Variants in TSC2 observed in about 807,000 individuals in gnomAD.
The protein encoded by TSC2 is TSC complex subunit 2.
TSC2 carries 29 observed loss-of-function variants against 202.2 expected under a neutral mutation model. The observed-to-expected ratio is 0.14, with a 90% CI of 0.11 to 0.20. The LOEUF (loss-of-function observed/expected upper bound fraction) is 0.20. Ranked by LOEUF, TSC2 falls within the 10% of genes least tolerant of loss-of-function variation. The probability of loss-of-function intolerance (pLI) is 1.00; values close to 1 mark genes in which losing one functional copy is unlikely to be tolerated. For missense variants in TSC2, 2,429 were observed against 2,420.0 expected, an observed-to-expected ratio of 1.00 and a Z score of -0.08; for synonymous variants, 1,349 against 1,044.0, an observed-to-expected ratio of 1.29 and a Z score of -5.63.
chr16:2,061,344 G>C, intron 11 of TSC2: 1 of 283,740 alleles, frequency 3.5e-6, no homozygotes. Context: ...AAGGGAGGCC[G>C]GGACTTCGCC....
chr16:2,065,304 TG>T (rs1471225019), intron 15 of TSC2: 1 of 552,994 alleles, frequency 1.8e-6, no homozygotes, highest in Non-Finnish European at 3.3e-6. Flanking sequence ...TCCTAGCTAC[TG>T]GGGAGGCTGA....
intron 9 of TSC2, 100 bp from the exon 10 acceptor site, chr16:2,058,647 C>G: frequency 6.6e-7 from 1 of 1,523,742 alleles, no homozygotes; most frequent in Non-Finnish European, 8.8e-7. Context: ...GCACAGGGAC[C>G]TCTGGGGCTG....
At chr16:2,077,390 C>G (rs150536984) in intron 25 of TSC2, 2 of 678,546 alleles carry the variant, frequency 2.9e-6, no homozygotes, top group African/African-American at 3.6e-5. Flanking sequence ...GTCATGTTTA[C>G]CAGACGTATT....
chr16:2,054,744 G>A, intron 5 of TSC2: 1 of 488,312 alleles, frequency 2.0e-6, no homozygotes, highest in Non-Finnish European at 3.8e-6. Flanking sequence ...AGGTGGTGCT[G>A]CTGACTTGGT....
At chr16:2,053,279 A>G (rs775078883) in intron 3 of TSC2, 63 bp from the exon 4 acceptor site, 1 of 1,503,744 alleles carries the variant, frequency 6.7e-7, no homozygotes, top group Non-Finnish European at 9.0e-7. Context: ...GCACTGCTCC[A>G]GTTGCCGGGG....
At chr16:2,062,294 A>G (rs992858011) in intron 12 of TSC2, among the ~76,000 whole-genome samples, 23 of 152,140 alleles carry the variant, frequency 1.5e-4, no homozygotes, top group African/African-American at 5.1e-4. Context: ...TGCCAGGAAC[A>G]CTCAGCTTAG....
Position 2,055,522 on chromosome 16 carries a change from A to G in TSC2, c.599+3A>G, listed in dbSNP as rs397514899. 9 of 1,612,736 alleles carry G rather than the reference A, an allele frequency of 5.6e-6. No homozygotes were observed. Among genetic ancestry groups the G allele is most frequent in the Non-Finnish European group, 7.6e-6 (9 of 1,178,700 alleles). On this transcript the variant is annotated splice_donor_region_variant and intron_variant, in intron 6 of 41. Coordinates refer to ENST00000219476, the MANE Select transcript of TSC2 (RefSeq NM_000548.5). ...GAGTACATCGCAAGGATGGTTCAGTAAGAAAAGAATTGAGATCCTGTTCTG... is the reference window on the plus strand; with the variant it reads ...GAGTACATCGCAAGGATGGTTCAGTGAGAAAAGAATTGAGATCCTGTTCTG...
chr16:2,076,918 C>G (rs1040488220), intron 25 of TSC2, among the ~76,000 whole-genome samples: 1 of 152,086 alleles, frequency 6.6e-6, no homozygotes, highest in Admixed American at 6.5e-5. Context: ...TGCTGCTAGC[C>G]GGGGACTCTG....
chr16:2,069,475 A>G (rs1391564288), intron 16 of TSC2, among the ~76,000 whole-genome samples: 9 of 144,696 alleles, frequency 6.2e-5, no homozygotes, highest in Non-Finnish European at 1.3e-4. Context: ...GCACCACCAC[A>G]CCTGGCTAAT....
intron 16 of TSC2, 91 bp from the exon 17 acceptor site, chr16:2,070,365 C>G (rs988505091): frequency 1.2e-6 from 2 of 1,605,208 alleles, no homozygotes; most frequent in Admixed American, 1.7e-5. Context: ...TCTAGAGCAG[C>G]CGCCCCGGCC....
chr16:2,056,046 G>A, intron 6 of TSC2, 150 bp from the exon 7 acceptor site: 1 of 893,496 alleles, frequency 1.1e-6, no homozygotes, highest in South Asian at 1.4e-5. Flanking sequence ...CTGGCGCACA[G>A]CAGGCACCTG....
intron 31 of TSC2, chr16:2,082,101 C>G: frequency 1.7e-6 from 1 of 589,948 alleles, no homozygotes; most frequent in African/African-American, 1.9e-5. Context: ...CAGCCTCCCT[C>G]CCTGCCTGGG....
At chr16:2,088,196 T>C (rs767156253) in intron 40 of TSC2, 31 bp from the exon 41 acceptor site, 7 of 1,612,792 alleles carry the variant, frequency 4.3e-6, no homozygotes, top group African/African-American at 2.7e-5. Flanking sequence ...TGCCACCTGA[T>C]AGTGAGCTCA....
At chr16:2,071,439 G>A in intron 17 of TSC2, 71 bp from the exon 18 acceptor site, 1 of 1,551,394 alleles carries the variant, frequency 6.4e-7, no homozygotes, top group Non-Finnish European at 8.8e-7. Flanking sequence ...GTGGGTCTGA[G>A]CAGGTGGGAC....
intron 16 of TSC2, among the ~76,000 whole-genome samples, chr16:2,067,165 A>T (rs758976949): frequency 8.1e-5 from 12 of 147,390 alleles, no homozygotes; most frequent in Non-Finnish European, 1.7e-4. Flanking sequence ...TTTTTTTTTT[A>T]ATTAATTTTT....
chr16:2,063,205 CCT>C, intron 14 of TSC2, 152 bp downstream of exon 14: 5 of 914,464 alleles, frequency 5.5e-6, no homozygotes, highest in South Asian at 4.3e-5. Flanking sequence ...TCTGTTTACC[CCT>C]GTTCATTCAC....
chr16:2,074,150 G>GC (rs1335516267), intron 21 of TSC2, 50 bp from the exon 22 acceptor site: 2 of 1,606,594 alleles, frequency 1.2e-6, no homozygotes, highest in African/African-American at 2.7e-5. Context: ...GGTAGGCGAG[G>GC]CTGCCTCTGC....
At position 2,053,681 on chromosome 16, in the gene TSC2, C is replaced by T. The variant is rs587778008; in HGVS notation, c.336+229C>T. 7.1e-5 allele frequency: 47 copies of T among 664,148 alleles called. 1 individual carries two copies. Among genetic ancestry groups the T allele is most frequent in the African/African-American group, 6.0e-4 (34 of 56,696 alleles). The allele number at this position is 664,148 out of a possible 1,614,324, so 41.1% of individuals were successfully genotyped here. A position where few individuals can be genotyped will look rare whatever the true frequency, so the allele number is the denominator to read the frequency against. On this transcript the variant is annotated intron_variant, in intron 4 of 41. Transcript: ENST00000219476. The stretch of plus-strand genomic sequence containing the variant: ...AAACAGATGGTCACTGCACCTTCCT[C>T]TTATGGGATGTTCTGGGGATCATAT...
rs200929621 is a variant in TSC2 at position 2,074,248 on chromosome 16, A to G, written c.2404A>G (p.Ser802Gly). ...GCAGGGCCTCATCCACCGCTGTGCC[A>G]GCCAGTGCGTCGTGGCCTTGTCCAT... Reference protein sequence around the residue: ...LEQGLIHRCASQCVVALSICS... With the variant: ...LEQGLIHRCAGQCVVALSICS... The change falls in exon 22 of 42, where the codon AGC (serine) becomes GGC (glycine). Residue 802 changes from serine to glycine, a missense_variant. By Grantham distance (56) the Ser-to-Gly change is moderately conservative (BLOSUM62 0). Coordinates refer to ENST00000219476, the MANE Select transcript of TSC2 (RefSeq NM_000548.5). 9.9e-5 allele frequency: 159 copies of G among 1,612,754 alleles called. 1 individual carries two copies. In the East Asian group the frequency reaches 3.5e-3, roughly 35 times the overall value.
Sources: allele counts gnomAD v4.1 joint callset (sites outside exome capture counted in the v4.1 genomes callset), GRCh38; gene constraint gnomAD v4.1.1; transcripts MANE v1.5; gene names NCBI Gene and HGNC (gene_info 2026-07-23, HGNC 2026-07-21).